Variants in KCND2 observed in about 807,000 individuals in gnomAD.
The protein encoded by KCND2 is potassium voltage-gated channel subfamily D member 2.
Under a neutral mutation model 54.4 loss-of-function variants are expected in KCND2, and 16 were observed. The ratio of observed to expected loss-of-function variants is 0.29; its 90% CI spans 0.20 to 0.45. KCND2 has a LOEUF of 0.45. Ranked by LOEUF, KCND2 falls within the 20% of genes least tolerant of loss-of-function variation. The probability of loss-of-function intolerance (pLI) is 1.00; values close to 1 mark genes in which losing one functional copy is unlikely to be tolerated. For missense variants in KCND2, 486 were observed against 824.2 expected, an observed-to-expected ratio of 0.59 and a Z score of 5.02; for synonymous variants, 317 against 310.7, an observed-to-expected ratio of 1.02 and a Z score of -0.21.
intron 1 of KCND2, among the ~76,000 whole-genome samples, chr7:120,577,865 G>A (rs1167960008): frequency 1.3e-5 from 2 of 152,152 alleles, no homozygotes; most frequent in African/African-American, 4.8e-5. Flanking sequence ...GATTACAGGC[G>A]TGAGCCACTG....
chr7:120,704,581 G>A (rs914575696), intron 1 of KCND2, among the ~76,000 whole-genome samples: 2 of 152,160 alleles, frequency 1.3e-5, no homozygotes, highest in African/African-American at 4.8e-5. Context: ...GATTTCAATG[G>A]CAAGCTATAA....
chr7:120,677,256 A>G (rs1792072829), intron 1 of KCND2, among the ~76,000 whole-genome samples: 1 of 152,186 alleles, frequency 6.6e-6, no homozygotes, highest in African/African-American at 2.4e-5. Context: ...ATAAATGGAA[A>G]TGCAAAGTAT....
In KCND2 at chr7:120,524,184, A is replaced by T. The variant is rs949898623; in HGVS notation, c.1116-208719A>T. Among the ~76,000 whole-genome samples, 38 of 152,108 alleles carry T rather than the reference A, an allele frequency of 2.5e-4. 1 individual carries two copies. Among genetic ancestry groups the T allele is most frequent in the Admixed American group, 1.9e-3 (29 of 15,276 alleles). On this transcript the variant is annotated intron_variant, in intron 1 of 5. Transcript: ENST00000331113. ...CGGGAGGTGGAGGCTGCAGTGAGCC[A>T]AGATCACACCACTGCACTCCAGACT...
intron 1 of KCND2, among the ~76,000 whole-genome samples, chr7:120,599,406 T>C (rs943901239): frequency 1.3e-5 from 2 of 152,108 alleles, no homozygotes; most frequent in African/African-American, 4.8e-5. Flanking sequence ...TATTAAATTA[T>C]TTGACAGGCT....
At chr7:120,701,694 A>G (rs899034360) in intron 1 of KCND2, among the ~76,000 whole-genome samples, 10 of 152,172 alleles carry the variant, frequency 6.6e-5, no homozygotes, top group African/African-American at 2.2e-4. Context: ...CAAAACAAGC[A>G]GGAGGAAAGG....
intron 1 of KCND2, among the ~76,000 whole-genome samples, chr7:120,304,981 C>T (rs1165380204): frequency 6.6e-6 from 1 of 152,168 alleles, no homozygotes; most frequent in African/African-American, 2.4e-5. Context: ...TCCTTGGAGA[C>T]ATTGTCTCTC....
intron 1 of KCND2, among the ~76,000 whole-genome samples, chr7:120,673,488 T>G (rs776277944): frequency 6.6e-6 from 1 of 152,082 alleles, no homozygotes; most frequent in African/African-American, 2.4e-5. Context: ...TACATTCAGT[T>G]TTTTCATCCA....
chr7:120,425,800 T>G (rs550722387), intron 1 of KCND2, among the ~76,000 whole-genome samples: 1 of 152,360 alleles, frequency 6.6e-6, no homozygotes, highest in Admixed American at 6.5e-5. Context: ...TCCCCTGGCT[T>G]GCGGGGAATA....
intron 1 of KCND2, among the ~76,000 whole-genome samples, chr7:120,482,065 G>A (rs1465872856): frequency 6.6e-6 from 1 of 152,136 alleles, no homozygotes; most frequent in Non-Finnish European, 1.5e-5. Context: ...TAGGGGCAGG[G>A]TTGCCTGAGG....
At chr7:120,673,525 G>A (rs1792019536) in intron 1 of KCND2, among the ~76,000 whole-genome samples, 1 of 152,036 alleles carries the variant, frequency 6.6e-6, no homozygotes, top group Admixed American at 6.5e-5. Flanking sequence ...ACCAAGTCAT[G>A]TTCGTGCTGC....
intron 1 of KCND2, among the ~76,000 whole-genome samples, chr7:120,486,813 T>G (rs1802701213): frequency 6.6e-6 from 1 of 151,780 alleles, no homozygotes; most frequent in African/African-American, 2.4e-5. Flanking sequence ...TAAACGTATG[T>G]GTAATAAGCC....
intron 1 of KCND2, among the ~76,000 whole-genome samples, chr7:120,545,992 T>C (rs535837696): frequency 1.3e-5 from 2 of 151,920 alleles, no homozygotes; most frequent in African/African-American, 4.8e-5. Context: ...AAACAAGAAA[T>C]AAAATGATGG....
At chr7:120,557,993 C>G (rs529096029) in intron 1 of KCND2, among the ~76,000 whole-genome samples, 1 of 152,224 alleles carries the variant, frequency 6.6e-6, no homozygotes, top group South Asian at 2.1e-4. Context: ...AATTGGCTAA[C>G]TTTCTGCAAC....
chr7:120,335,759 A>G (rs1301846505), intron 1 of KCND2, among the ~76,000 whole-genome samples: 1 of 152,182 alleles, frequency 6.6e-6, no homozygotes, highest in Non-Finnish European at 1.5e-5. Context: ...TGTTGGGATT[A>G]CAGGCGTGAG....
chr7:120,606,629 C>A (rs545749198), intron 1 of KCND2, among the ~76,000 whole-genome samples: 2 of 152,142 alleles, frequency 1.3e-5, no homozygotes, highest in South Asian at 2.1e-4. Flanking sequence ...ATTGTTCTTT[C>A]CTAACTGATT....
At chr7:120,720,496 T>C (rs1792653015) in intron 1 of KCND2, among the ~76,000 whole-genome samples, 1 of 152,058 alleles carries the variant, frequency 6.6e-6, no homozygotes, top group African/African-American at 2.4e-5. Context: ...GCAGACTGCA[T>C]CTCCCAAGCT....
chr7:120,602,862 G>A (rs771679348), intron 1 of KCND2, among the ~76,000 whole-genome samples: 2 of 152,306 alleles, frequency 1.3e-5, no homozygotes, highest in Admixed American at 6.5e-5. Flanking sequence ...GAAGCAGTTC[G>A]TGAGAGTAAA....
At chr7:120,443,349 AATAAAT>A (rs1033893726) in intron 1 of KCND2, among the ~76,000 whole-genome samples, 1 of 126,438 alleles carries the variant, frequency 7.9e-6, no homozygotes, top group Non-Finnish European at 1.6e-5. Context: ...AAATAACAAT[AATAAAT>A]AATAATAATA....
chr7:120,672,971 T>C (rs886191523), intron 1 of KCND2: 1 of 151,820 alleles, frequency 6.6e-6, no homozygotes, highest in African/African-American at 2.4e-5. Context: ...GTGTCTCATA[T>C]TAAAAGACAG....
Sources: gnomAD v4.1 joint callset for allele counts (sites outside exome capture counted in the v4.1 genomes callset) on GRCh38, gnomAD v4.1.1 for gene constraint, MANE v1.5 for transcripts, NCBI Gene and HGNC (gene_info 2026-07-23, HGNC 2026-07-21) for gene names.